The following LMBR1 variants were observed in gnomAD, a reference collection of about 807,000 sequenced individuals.
LMBR1 encodes the protein limb development membrane protein 1, also known as limb region 1 protein homolog.
A neutral mutation model predicts 73.9 loss-of-function variants in LMBR1; 52 were observed. The observed-to-expected ratio is 0.70, with a 90% CI of 0.56 to 0.89. The LOEUF is 0.89. Ranked by LOEUF, LMBR1 falls within the 40% of genes least tolerant of loss-of-function variation. The pLI is 0.00. For synonymous variants in LMBR1, 215 were observed against 209.4 expected (o/e 1.03, Z -0.23); for missense variants, 539 against 579.8 (o/e 0.93, Z 0.72).
intron 1 of LMBR1, among the ~76,000 whole-genome samples, chr7:156,891,957 G>A (rs936884683): frequency 6.6e-6 from 1 of 152,170 alleles, no homozygotes; most frequent in Non-Finnish European, 1.5e-5. Context: ...CAAACCAAGT[G>A]TGACTGAATC....
In LMBR1 at chr7:156,762,838, T is replaced by A. The variant is rs1308922045; in HGVS notation, c.619+270A>T. On this transcript the variant is annotated intron_variant, in intron 7 of 16. Coordinates refer to ENST00000353442, the MANE Select transcript of LMBR1 (RefSeq NM_022458.4). The stretch of plus-strand genomic sequence containing the variant: ...CTGTATATGAGTGTGTGAAAGTGTG[T>A]GAGTGTGAGTGTGTGTGTGTGTGTG... Among the ~76,000 whole-genome samples the A allele has an allele frequency of 6.3e-5, 7 of 111,564 alleles. No homozygotes were observed. The East Asian group carries it at 1.6e-3, about 26-fold the overall frequency. 73.2% of individuals were successfully genotyped at this position (111,564 alleles called of 152,430 possible).
In LMBR1 at chr7:156,781,043, G is replaced by A. The variant is rs569850846; in HGVS notation, c.423+15346C>T. 9.8e-5 allele frequency among the ~76,000 whole-genome samples: 15 copies of A among 152,292 alleles called. No homozygotes were observed. The South Asian group carries it at 2.9e-3, about 30-fold the overall frequency. ...ATACTAAGGTCAAATGCTCAGTCTT[G>A]TAAGAAACCTGTAATGCAGAAGACC... On this transcript the variant is annotated intron_variant, in intron 5 of 16. Transcript: ENST00000353442.
rs548477558 is a variant in LMBR1 at position 156,716,773 on chromosome 7, T to C, written c.1225+7339A>G. On this transcript the variant is annotated intron_variant, in intron 15 of 16. Transcript: ENST00000353442. Reference sequence around the variant, plus strand: ...CATATACTCAGCTCTCTGCTTTTTATGCTATACAAGTCTGACTCTTCTCAC... The same window carrying C: ...CATATACTCAGCTCTCTGCTTTTTACGCTATACAAGTCTGACTCTTCTCAC... Among the ~76,000 whole-genome samples the C allele has an allele frequency of 3.9e-5, 6 of 152,340 alleles. 1 individual carries two copies. Among genetic ancestry groups the C allele is most frequent in the Middle Eastern group, 3.4e-3 (1 of 294 alleles).
chr7:156,762,709 C>T (rs1307053487), intron 7 of LMBR1, among the ~76,000 whole-genome samples: 1 of 152,118 alleles, frequency 6.6e-6, no homozygotes, highest in Non-Finnish European at 1.5e-5. Context: ...TCTACCATTT[C>T]CATTTAAAAG....
chr7:156,767,982 T>C (rs1272801777), intron 5 of LMBR1, among the ~76,000 whole-genome samples: 2 of 152,234 alleles, frequency 1.3e-5, no homozygotes, highest in African/African-American at 4.8e-5. Context: ...GTAGGACATT[T>C]CATATTGAAG....
intron 5 of LMBR1, among the ~76,000 whole-genome samples, chr7:156,778,039 T>C (rs1203259669): frequency 6.6e-6 from 1 of 152,210 alleles, no homozygotes; most frequent in Non-Finnish European, 1.5e-5. Flanking sequence ...GACGATGATT[T>C]TTCTATTATA....
intron 2 of LMBR1, chr7:156,834,602 CAA>C: frequency 4.8e-6 from 1 of 206,742 alleles, no homozygotes; most frequent in South Asian, 6.2e-5. Context: ...GATCCTATCT[CAA>C]AAAAAAAATT....
At chr7:156,734,013 T>C in intron 10 of LMBR1, 164 bp downstream of exon 10, 1 of 477,292 alleles carries the variant, frequency 2.1e-6, no homozygotes, top group Non-Finnish European at 3.8e-6. Context: ...AAATGTAAAC[T>C]TATCCTCTCC....
chr7:156,783,296 C>T (rs779925142), intron 5 of LMBR1, among the ~76,000 whole-genome samples: 3 of 152,116 alleles, frequency 2.0e-5, no homozygotes, highest in Non-Finnish European at 4.4e-5. Flanking sequence ...CTTTGCCTCC[C>T]GAGAAGCTGG....
In LMBR1 at chr7:156,685,312, A is replaced by G. The variant is rs1471139461; in HGVS notation, c.1388-1149T>C. 6.6e-6 allele frequency among the ~76,000 whole-genome samples: 1 copy of G among 152,236 alleles called. No individual in the cohort carries two copies. The highest frequency in any genetic ancestry group is 1.5e-5 in the Non-Finnish European group (1 of 68,044). ...GTGGCACTGGAGCGTCAAGCACTTT[A>G]ATAAAAATGAAACACAATGACATAC... On this transcript the variant is annotated intron_variant, in intron 16 of 16. Coordinates refer to ENST00000353442, the MANE Select transcript of LMBR1 (RefSeq NM_022458.4). This position sits in a 1 kb window ranked among gnomAD's most constrained non-coding sequence, Gnocchi z 4.1.
At chr7:156,700,110 A>C (rs1311430018) in intron 15 of LMBR1, among the ~76,000 whole-genome samples, 8 of 152,218 alleles carry the variant, frequency 5.3e-5, no homozygotes, top group Non-Finnish European at 1.2e-4. Flanking sequence ...TTATTGCGGC[A>C]CTATTCACAA....
At chr7:156,689,601 C>A (rs776146143) in intron 15 of LMBR1, among the ~76,000 whole-genome samples, 13 of 151,998 alleles carry the variant, frequency 8.6e-5, no homozygotes, top group Non-Finnish European at 1.9e-4. Context: ...CCACTTCTAC[C>A]CAGGACAAAT....
At chr7:156,849,834 TAAGTCATGATGTTCA>T in intron 1 of LMBR1, among the ~76,000 whole-genome samples, 1 of 152,140 alleles carries the variant, frequency 6.6e-6, no homozygotes, top group Non-Finnish European at 1.5e-5. Flanking sequence ...CTATGGAATC[TAAGTCATGATGTTCA>T]ACCCAAGGTC....
At chr7:156,820,148 C>G (rs1322996296) in intron 4 of LMBR1, among the ~76,000 whole-genome samples, 1 of 152,132 alleles carries the variant, frequency 6.6e-6, no homozygotes, top group Non-Finnish European at 1.5e-5. Context: ...TTAAGCTTAA[C>G]TAGGTGGTGA....
chr7:156,788,210 G>A (rs761079392), intron 5 of LMBR1, among the ~76,000 whole-genome samples: 95 of 152,202 alleles, frequency 6.2e-4, no homozygotes, highest in Non-Finnish European at 1.2e-3. Flanking sequence ...CAAGGTGGGC[G>A]GACTGCTTGA....
At chr7:156,711,838 A>T (rs1812144025) in intron 15 of LMBR1, among the ~76,000 whole-genome samples, 1 of 152,204 alleles carries the variant, frequency 6.6e-6, no homozygotes, top group African/African-American at 2.4e-5. Flanking sequence ...CTCGCCATAT[A>T]TAAAAATCAA....
chr7:156,854,114 C>T (rs925532874), intron 1 of LMBR1, among the ~76,000 whole-genome samples: 1 of 152,114 alleles, frequency 6.6e-6, no homozygotes, highest in Non-Finnish European at 1.5e-5. Flanking sequence ...GTCATCTTTC[C>T]CATCCTCGTA....
At chr7:156,703,679 C>T (rs1389676750) in intron 15 of LMBR1, among the ~76,000 whole-genome samples, 1 of 152,116 alleles carries the variant, frequency 6.6e-6, no homozygotes, top group East Asian at 1.9e-4. Flanking sequence ...TTCCCAGGGG[C>T]TTGGGGGCTG....
intron 4 of LMBR1, among the ~76,000 whole-genome samples, chr7:156,812,599 C>T (rs1049257943): frequency 6.6e-6 from 1 of 152,150 alleles, no homozygotes; most frequent in Non-Finnish European, 1.5e-5. Flanking sequence ...AATTCTTCCC[C>T]GGGGCCTCCA....
Sources: gnomAD v4.1 joint callset for allele counts (sites outside exome capture counted in the v4.1 genomes callset) on GRCh38, gnomAD v4.1.1 for gene constraint, Gnocchi (gnomAD v3.1) non-coding constraint, MANE v1.5 for transcripts, NCBI Gene and HGNC (gene_info 2026-07-23, HGNC 2026-07-21) for gene names.